SPRR2G: variants seen among roughly 807,000 people sequenced by gnomAD.
SPRR2G encodes small proline rich protein 2G.
In SPRR2G, 1 loss-of-function variant was observed where a neutral mutation model predicts 0.7. The ratio of observed to expected loss-of-function variants is 1.49; its 90% CI spans 0.53 to 7.06. SPRR2G has a LOEUF of 7.06. Among genes scored for constraint, SPRR2G ranks in the 30% most tolerant of loss-of-function variants. The pLI is 0.14. For missense variants in SPRR2G, 96 were observed against 88.5 expected, an observed-to-expected ratio of 1.09 and a Z score of -0.34; for synonymous variants, 38 against 33.9, an observed-to-expected ratio of 1.12 and a Z score of -0.42.
the SPRR2G span, chr1:153,176,393 G>A: frequency 6.6e-6 from 1 of 152,092 alleles, no homozygotes; most frequent in Admixed American, 6.6e-5. Context: ...ACCCCCACCT[G>A]TCCAAGGTGC....
At chr1:153,175,757 C>G in the SPRR2G span, among the ~76,000 whole-genome samples, 26 of 152,328 alleles carry the variant, frequency 1.7e-4, 1 homozygote, top group South Asian at 5.4e-3. Context: ...ATATGCCCAG[C>G]ACCTCACAGT....
the SPRR2G span, among the ~76,000 whole-genome samples, chr1:153,186,932 G>A: frequency 6.6e-6 from 1 of 152,124 alleles, no homozygotes; most frequent in Non-Finnish European, 1.5e-5. Context: ...TGTCTGTAAA[G>A]GATTTTATTT....
At chr1:153,152,687 G>A (rs545164595), upstream of SPRR2G, among the ~76,000 whole-genome samples, 1 of 152,280 alleles carries the variant, frequency 6.6e-6, no homozygotes, top group South Asian at 2.1e-4. Flanking sequence ...GGATGCTCCT[G>A]GGATGGGTGA....
At position 153,150,070 on chromosome 1, in the gene SPRR2G, G is replaced by A; in HGVS notation, c.41C>T (p.Pro14Leu). ...CTTTGGCGTGGGGCACACAGGAGGT[G>A]GCTGGCAGGGCTGCTTGCACTGCTG... ...QQQQCKQPCQPPPVCPTPKCP... is the reference protein window; with the variant it reads ...QQQQCKQPCQLPPVCPTPKCP... The change falls in exon 2 of 2, where the codon CCA (proline) becomes CTA (leucine). Residue 14 changes from proline (P) to leucine (L), a missense_variant. Physicochemically the swap from Pro to Leu is moderately conservative, Grantham distance 98. Transcript: ENST00000368748. The A allele has an allele frequency of 1.9e-6, 3 of 1,612,958 alleles. No homozygotes were observed. Among genetic ancestry groups the A allele is most frequent in the Non-Finnish European group, 2.5e-6 (3 of 1,179,858 alleles).
chr1:153,185,133 C>T, the SPRR2G span, among the ~76,000 whole-genome samples: 17 of 152,098 alleles, frequency 1.1e-4, no homozygotes, highest in Non-Finnish European at 2.4e-4. Context: ...ATTTTCACAT[C>T]GATGTTCATC....
the SPRR2G span, among the ~76,000 whole-genome samples, chr1:153,181,632 C>T: frequency 6.6e-6 from 1 of 151,974 alleles, no homozygotes; most frequent in Non-Finnish European, 1.5e-5. Context: ...CATGAAATCA[C>T]CATTTTTAGC....
the SPRR2G span, among the ~76,000 whole-genome samples, chr1:153,196,813 A>G: frequency 6.6e-6 from 1 of 152,072 alleles, no homozygotes. Flanking sequence ...CTGCTGAGGG[A>G]TTTTCTCTTC....
chr1:153,165,468 A>T, the SPRR2G span, among the ~76,000 whole-genome samples: 2 of 152,070 alleles, frequency 1.3e-5, no homozygotes, highest in Non-Finnish European at 2.9e-5. Flanking sequence ...GCCCTTTCTG[A>T]CTTCATTTTC....
chr1:153,194,567 T>G, the SPRR2G span, among the ~76,000 whole-genome samples: 3 of 152,198 alleles, frequency 2.0e-5, no homozygotes, highest in Admixed American at 1.3e-4. Context: ...CAGCCTTGAA[T>G]TATGTGCAGG....
chr1:153,194,284 A>G, the SPRR2G span, among the ~76,000 whole-genome samples: 1 of 152,236 alleles, frequency 6.6e-6, no homozygotes, highest in African/African-American at 2.4e-5. Flanking sequence ...ATAACTATTA[A>G]TAGAATATAT....
At chr1:153,191,620 G>A in the SPRR2G span, 1 of 152,112 alleles carries the variant, frequency 6.6e-6, no homozygotes, top group Admixed American at 6.6e-5. Context: ...GAAAAAATAT[G>A]AGTAAAAAAG....
At chr1:153,184,106 G>A in the SPRR2G span, among the ~76,000 whole-genome samples, 13 of 152,202 alleles carry the variant, frequency 8.5e-5, no homozygotes, top group African/African-American at 3.1e-4. Context: ...GTACCATGCT[G>A]TTTTGGTTAC....
upstream of SPRR2G, among the ~76,000 whole-genome samples, chr1:153,152,404 C>T (rs1456785102): frequency 1.3e-5 from 2 of 152,100 alleles, no homozygotes; most frequent in Admixed American, 6.6e-5. Context: ...GCCTTGTGCT[C>T]TTTACCCAGA....
chr1:153,165,733 G>A, the SPRR2G span, among the ~76,000 whole-genome samples: 3 of 149,444 alleles, frequency 2.0e-5, no homozygotes, highest in East Asian at 6.2e-4. Context: ...ATAAAGTCCT[G>A]GAAGTGTGGC....
chr1:153,162,467 G>A, the SPRR2G span, among the ~76,000 whole-genome samples: 1 of 152,304 alleles, frequency 6.6e-6, no homozygotes, highest in East Asian at 1.9e-4. Flanking sequence ...TGCTGTGCCT[G>A]AGCCAGGACA....
At chr1:153,180,639 T>C in the SPRR2G span, among the ~76,000 whole-genome samples, 1 of 152,166 alleles carries the variant, frequency 6.6e-6, no homozygotes, top group Non-Finnish European at 1.5e-5. Context: ...CCTAGGAAAA[T>C]ATAATGACTG....
the SPRR2G span, chr1:153,174,633 T>C: frequency 6.6e-6 from 1 of 152,246 alleles, no homozygotes; most frequent in African/African-American, 2.4e-5. Flanking sequence ...GCACCCTGAC[T>C]GCAAAACAGA....
At chr1:153,165,726 A>G in the SPRR2G span, among the ~76,000 whole-genome samples, 815 of 149,664 alleles carry the variant, frequency 5.4e-3, 12 homozygotes, top group Middle Eastern at 0.021. Flanking sequence ...ATATATAATA[A>G]AGTCCTGGAA....
At chr1:153,184,843 G>C in the SPRR2G span, among the ~76,000 whole-genome samples, 1 of 152,162 alleles carries the variant, frequency 6.6e-6, no homozygotes, top group Non-Finnish European at 1.5e-5. Flanking sequence ...CTATGGGTTT[G>C]TCATAAATAA....
Sources: allele counts gnomAD v4.1 joint callset (sites outside exome capture counted in the v4.1 genomes callset), GRCh38; gene constraint gnomAD v4.1.1; transcripts MANE v1.5; gene names NCBI Gene and HGNC (gene_info 2026-07-23, HGNC 2026-07-21).